Variants in WDR62 observed in about 807,000 individuals in gnomAD.
The protein encoded by WDR62 is WD repeat domain 62.
Under a neutral mutation model 160.6 loss-of-function variants are expected in WDR62, and 112 were observed. That is an observed-to-expected ratio of 0.70 (90% CI 0.60 to 0.82). WDR62 has a LOEUF of 0.82. Ranked by LOEUF, WDR62 falls within the 40% of genes least tolerant of loss-of-function variation. The pLI is 0.00. For missense variants in WDR62, 1,819 were observed against 1,983.8 expected (o/e 0.92, Z 1.58); for synonymous variants, 792 against 815.1 (o/e 0.97, Z 0.48).
At chr19:36,070,462 G>A (rs115737864) in intron 7 of WDR62, 1 of 152,120 alleles carries the variant, frequency 6.6e-6, no homozygotes, top group African/African-American at 2.4e-5. Flanking sequence ...ATGATCTATC[G>A]ATACATTGCA....
chr19:36,105,468 C>T (rs572432443), downstream of WDR62, among the ~76,000 whole-genome samples: 15 of 152,026 alleles, frequency 9.9e-5, no homozygotes, highest in East Asian at 2.7e-3. Context: ...GGCTCAGGGC[C>T]TCTGGGCCAA....
At chr19:36,097,544 A>G (rs1973048641) in intron 21 of WDR62, among the ~76,000 whole-genome samples, 1 of 151,782 alleles carries the variant, frequency 6.6e-6, no homozygotes. Flanking sequence ...CACCACTACT[A>G]CACTCCAGCG....
At chr19:36,073,814 G>C (rs1971431988) in intron 9 of WDR62, 2 of 478,606 alleles carry the variant, frequency 4.2e-6, no homozygotes, top group South Asian at 3.3e-5. Context: ...AATGCAGGTG[G>C]TATTCTAGAG....
intron 20 of WDR62, among the ~76,000 whole-genome samples, chr19:36,095,881 C>G (rs1972927006): frequency 6.6e-6 from 1 of 152,238 alleles, no homozygotes; most frequent in South Asian, 2.1e-4. Flanking sequence ...TCTCATCTAC[C>G]TGTATGTTGG....
chr19:36,078,358 G>A (rs1226622111), intron 9 of WDR62, among the ~76,000 whole-genome samples: 1 of 151,214 alleles, frequency 6.6e-6, no homozygotes, highest in Non-Finnish European at 1.5e-5. Flanking sequence ...GTGTTGGCCA[G>A]GTTGGTCTCA....
downstream of WDR62, among the ~76,000 whole-genome samples, chr19:36,107,714 A>G (rs1265883160): frequency 2.0e-5 from 3 of 152,150 alleles, no homozygotes; most frequent in East Asian, 3.9e-4. Context: ...GGTTCTCTCA[A>G]TAAGAAAGGC....
intron 1 of WDR62, among the ~76,000 whole-genome samples, chr19:36,056,257 G>A (rs1326804580): frequency 6.6e-6 from 1 of 152,146 alleles, no homozygotes; most frequent in South Asian, 2.1e-4. Flanking sequence ...GATAAAGGGA[G>A]GATACCTGGT....
intron 5 of WDR62, 142 bp from the exon 6 acceptor site, chr19:36,067,164 C>T: frequency 9.3e-7 from 1 of 1,076,514 alleles, no homozygotes; most frequent in Non-Finnish European, 1.4e-6. Flanking sequence ...ACATAGGTTT[C>T]CCCATACAGC....
In WDR62 at chr19:36,102,845, C is replaced by T. The variant is rs1261425703; in HGVS notation, c.3329C>T (p.Ala1110Val). ...STQFLSSLQK[A>V]SRFTHTFPPR... ...CAGTTCCTCTCAAGCCTCCAGAAGGCATCCAGGTAGAAGCTGGCCAAGCAC... is the reference window on the plus strand; with the variant it reads ...CAGTTCCTCTCAAGCCTCCAGAAGGTATCCAGGTAGAAGCTGGCCAAGCAC... The change falls in exon 27 of 32, where the codon GCA becomes GTA. Residue 1110 changes from alanine (A) to valine (V), a missense_variant. Ala to Val is a moderately conservative substitution (Grantham distance 64). Around this residue, in one of 3 missense-constraint regions of WDR62, gnomAD observed 770 missense variants for 734.2 expected, o/e 1.05. Coordinates refer to ENST00000401500, the MANE Select transcript of WDR62 (RefSeq NM_001083961.2). 6.2e-7 allele frequency: 1 copy of T among 1,614,226 alleles called. No individual in the cohort carries two copies. Among genetic ancestry groups the T allele is most frequent in the Non-Finnish European group, 8.5e-7 (1 of 1,180,030 alleles).
intron 3 of WDR62, 114 bp from the exon 4 acceptor site, chr19:36,065,844 C>T (rs1381433851): frequency 1.9e-6 from 2 of 1,048,332 alleles, no homozygotes; most frequent in Non-Finnish European, 3.0e-6. Flanking sequence ...CTCTGCTGGC[C>T]TCTTCCGAGG....
Position 36,054,932 on chromosome 19 carries a change from C to T in WDR62, c.-40C>T, listed in dbSNP as rs1246126559. On this transcript the variant is annotated 5_prime_UTR_variant, in exon 1 of 32. Coordinates refer to ENST00000401500, the MANE Select transcript of WDR62 (RefSeq NM_001083961.2). Reference sequence around the variant, plus strand: ...TGGGTCGTGGCGGTGGCGGCAGCGGCGGTTAGGGGATGTAACGGTCGCCCG... The same window carrying T: ...TGGGTCGTGGCGGTGGCGGCAGCGGTGGTTAGGGGATGTAACGGTCGCCCG... 2.6e-6 allele frequency: 4 copies of T among 1,553,194 alleles called. No homozygotes were observed. The highest frequency in any genetic ancestry group is 1.9e-5 in the Admixed American group (1 of 52,232).
At chr19:36,108,362 C>G (rs142588042), downstream of WDR62, among the ~76,000 whole-genome samples, 35 of 151,952 alleles carry the variant, frequency 2.3e-4, no homozygotes, top group Non-Finnish European at 3.7e-4. Flanking sequence ...GCAACTCCCC[C>G]CCTGCTTCTA....
At position 36,081,633 on chromosome 19, in the gene WDR62, G is replaced by A; in HGVS notation, c.1371+63G>A. On this transcript the variant is annotated intron_variant, in intron 10 of 31. Transcript: ENST00000401500. ...ACAAAGACCTACTGTAAGCTTGAAT[G>A]CAGGGGCAGGAGAGAGTCTGATGGA... 5 of 1,610,680 alleles carry A rather than the reference G, an allele frequency of 3.1e-6. No homozygotes were observed. In the South Asian group the frequency reaches 5.5e-5, roughly 18 times the overall value.
Position 36,092,699 on chromosome 19 carries a change from A to G in WDR62, c.2221A>G (p.Ile741Val), listed in dbSNP as rs1329740295. ...CTTTGACCTCCGCAGCTGCGTGTTC[A>G]TCTGGCACCTGGGCCCGGAGATCAC... ...ITVSGDSCVF[I>V]WHLGPEITNC... The change falls in exon 19 of 32, where the codon ATC (isoleucine) becomes GTC (valine). Residue 741 changes from isoleucine (I) to valine (V), a missense_variant. Ile to Val is a conservative substitution (Grantham distance 29). Coordinates refer to ENST00000401500, the MANE Select transcript of WDR62 (RefSeq NM_001083961.2). 2.5e-6 allele frequency: 4 copies of G among 1,614,114 alleles called. No homozygotes were observed. The highest frequency in any genetic ancestry group is 3.3e-5 in the Admixed American group (2 of 60,032).
In WDR62 at chr19:36,092,777, C is replaced by T. The variant is rs981260459; in HGVS notation, c.2299C>T (p.His767Tyr). 1 of 1,614,024 alleles carries T rather than the reference C, an allele frequency of 6.2e-7. No homozygotes were observed. The highest frequency in any genetic ancestry group is 8.5e-7 in the Non-Finnish European group (1 of 1,180,016). The change falls in exon 19 of 32, where the codon CAC becomes TAC. Residue 767 changes from histidine (H) to tyrosine (Y), a missense_variant. Coordinates refer to ENST00000401500, the MANE Select transcript of WDR62 (RefSeq NM_001083961.2). ...LEIDHRQQQQHTNDKKRSGHP... is the reference protein window; with the variant it reads ...LEIDHRQQQQYTNDKKRSGHP... ...GATTGACCACCGGCAGCAGCAGCAG[C>T]ACACAAATGACAAGAAGCGGAGTGG...
Position 36,105,024 on chromosome 19 carries a change from A to T in WDR62, c.4568A>T (p.His1523Leu). 1.3e-6 allele frequency: 2 copies of T among 1,597,874 alleles called. No individual in the cohort carries two copies. The highest frequency in any genetic ancestry group is 4.5e-5 in the East Asian group (2 of 44,684). Reference sequence around the variant, plus strand: ...GCCGTGCGGAGGAAGGCACGGGGGCACTGAGGGCGCAGCCCCTCCACCGCA... The same window carrying T: ...GCCGTGCGGAGGAAGGCACGGGGGCTCTGAGGGCGCAGCCCCTCCACCGCA... ...VQAVRRKARG[H>L] is the part of the protein sequence containing the mutation. Residue 1523 changes from histidine (H) to leucine (L), a missense_variant, in exon 32 of 32, where the codon CAC becomes CTC. By Grantham distance (99) the His-to-Leu change is moderately conservative (BLOSUM62 -3). Around this residue, in one of 3 missense-constraint regions of WDR62, gnomAD observed 770 missense variants for 734.2 expected, o/e 1.05. Coordinates refer to ENST00000401500, the MANE Select transcript of WDR62 (RefSeq NM_001083961.2).
intron 18 of WDR62, among the ~76,000 whole-genome samples, chr19:36,091,694 C>T (rs955289698): frequency 2.0e-5 from 3 of 151,924 alleles, no homozygotes; most frequent in Non-Finnish European, 2.9e-5. Flanking sequence ...CTCAGGAGTT[C>T]GAGACCAGCC....
rs1971897674 is a variant in WDR62, at chr19:36,081,513, CT to C, written c.1316del (p.Phe439SerfsTer22). 6.2e-7 allele frequency: 1 copy of C among 1,614,084 alleles called. No homozygotes were observed. Among genetic ancestry groups the C allele is most frequent in the Middle Eastern group, 1.6e-4 (1 of 6,084 alleles). On this transcript the variant is annotated frameshift_variant, in exon 10 of 32. Transcript: ENST00000401500. LOFTEE classifies it high-confidence loss of function. ...CTTGTTCTTCAGACAACACCATTCGCTTCTGGAACTTGGACAGCAGCCCTGA... is the reference window on the plus strand; with the variant it reads ...CTTGTTCTTCAGACAACACCATTCGCTCTGGAACTTGGACAGCAGCCCTGA... ...LTCSSDNTIR[F>X]WNLDSSPDSH...
Position 36,100,730 on chromosome 19 carries a change from G to A in WDR62, c.2740-18G>A, listed in dbSNP as rs996691548. ...CAGCCATGCCTGCCTCAGAATGGCT[G>A]TGCTGTCTTCCCCATAGTCAGAGAG... On this transcript the variant is annotated intron_variant, in intron 22 of 31. Transcript: ENST00000401500. 19 of 1,613,640 alleles carry A rather than the reference G, an allele frequency of 1.2e-5. No homozygotes were observed. The highest frequency in any genetic ancestry group is 1.5e-5 in the Non-Finnish European group (18 of 1,179,916).
Sources: allele counts gnomAD v4.1 joint callset (sites outside exome capture counted in the v4.1 genomes callset), GRCh38; gene constraint gnomAD v4.1.1; regional missense constraint gnomAD v4.1.1; transcripts MANE v1.5; gene names NCBI Gene and HGNC (gene_info 2026-07-23, HGNC 2026-07-21).